CRABP2: variants seen among roughly 807,000 people sequenced by gnomAD.
The protein encoded by CRABP2 is cellular retinoic acid binding protein 2, also known as cellular retinoic acid-binding protein 2.
A neutral mutation model predicts 17.9 loss-of-function variants in CRABP2; 20 were observed. The ratio of observed to expected loss-of-function variants is 1.12; its 90% CI spans 0.79 to 1.63. CRABP2 has a LOEUF of 1.63. CRABP2 is among the 40% of genes most tolerant of loss of function. The pLI is 0.00. For synonymous variants in CRABP2, 76 were observed against 66.4 expected, an observed-to-expected ratio of 1.14 and a Z score of -0.70; for missense variants, 151 against 168.6, an observed-to-expected ratio of 0.90 and a Z score of 0.58.
At chr1:156,700,778 CAG>C in intron 2 of CRABP2, 94 bp downstream of exon 2, 1 of 1,532,556 alleles carries the variant, frequency 6.5e-7, no homozygotes, top group Admixed American at 1.7e-5. Flanking sequence ...CCTACTGGGA[CAG>C]AGAGAAGCTA....
At chr1:156,704,384 C>T (rs1648132949) in intron 1 of CRABP2, among the ~76,000 whole-genome samples, 1 of 152,172 alleles carries the variant, frequency 6.6e-6, no homozygotes, top group Admixed American at 6.5e-5. Context: ...TACCGTCTCT[C>T]TGTTGAGTGC....
Position 156,699,864 on chromosome 1 carries a change from A to C in CRABP2, c.*162T>G. The C allele has an allele frequency of 1.5e-6, 1 of 670,594 alleles. No homozygotes were observed. The highest frequency in any genetic ancestry group is 2.5e-6 in the Non-Finnish European group (1 of 392,348). The allele number at this position is 670,594 out of a possible 1,614,324, so 41.5% of individuals were successfully genotyped here. ...GTGTAGGGGAGGAGAGAAGAGGTCA[A>C]AGAAAGCAAGACCCTGCAAGAGGCA... On this transcript the variant is annotated 3_prime_UTR_variant, in exon 4 of 4. Coordinates refer to ENST00000368222, the MANE Select transcript of CRABP2 (RefSeq NM_001878.4).
At chr1:156,702,538 C>T (rs567952485) in intron 1 of CRABP2, among the ~76,000 whole-genome samples, 81 of 152,098 alleles carry the variant, frequency 5.3e-4, no homozygotes, top group Non-Finnish European at 9.1e-4. Context: ...TTTAGGAGGC[C>T]GAGGTGGGTG....
At chr1:156,703,993 GACAA>G (rs1183090746) in intron 1 of CRABP2, among the ~76,000 whole-genome samples, 1 of 152,142 alleles carries the variant, frequency 6.6e-6, no homozygotes, top group Non-Finnish European at 1.5e-5. Flanking sequence ...CTGCAGGGAG[GACAA>G]ACAGACTGAA....
chr1:156,700,069 G>C lies in CRABP2; in HGVS notation c.374C>G (p.Thr125Arg). Residue 125 changes from threonine to arginine, a missense_variant, in exon 4 of 4, where the codon ACG (threonine) becomes AGG (arginine). Transcript: ENST00000368222. ...CCTGGTGCACACAACGTCATCCGCCGTCATGGTCTGGAAGGACAGAAGTAG... is the reference window on the plus strand; with the variant it reads ...CCTGGTGCACACAACGTCATCCGCCCTCATGGTCTGGAAGGACAGAAGTAG... ...TNDGELILTMTADDVVCTRVY... is the reference protein window; with the variant it reads ...TNDGELILTMRADDVVCTRVY... 1 of 1,613,564 alleles carries C rather than the reference G, an allele frequency of 6.2e-7. No homozygotes were observed. The highest frequency in any genetic ancestry group is 1.1e-5 in the South Asian group (1 of 90,946).
intron 1 of CRABP2, among the ~76,000 whole-genome samples, chr1:156,703,812 G>T (rs1208958906): frequency 6.6e-6 from 1 of 152,242 alleles, no homozygotes; most frequent in Non-Finnish European, 1.5e-5. Flanking sequence ...AGTTCCTGCA[G>T]AGGCAAGGCT....
At position 156,705,312 on chromosome 1, in the gene CRABP2, A is replaced by AT; in HGVS notation, c.70+64dup. ...TGATTGTGGTCCCGCTGTCTTTCTCATCCCCAACTTCGAGGACTCCAGAGC... is the reference window on the plus strand; with the variant it reads ...TGATTGTGGTCCCGCTGTCTTTCTCATTCCCCAACTTCGAGGACTCCAGAGC... On this transcript the variant is annotated intron_variant, in intron 1 of 3. Coordinates refer to ENST00000368222, the MANE Select transcript of CRABP2 (RefSeq NM_001878.4). This position sits in a 1 kb window ranked among gnomAD's most constrained non-coding sequence, Gnocchi z 5.2. 1.3e-6 allele frequency: 2 copies of AT among 1,554,780 alleles called. No homozygotes were observed. The highest frequency in any genetic ancestry group is 2.2e-5 in the South Asian group (2 of 89,852).
At position 156,705,297 on chromosome 1, in the gene CRABP2, C is replaced by A; in HGVS notation, c.70+80G>T. On this transcript the variant is annotated intron_variant, in intron 1 of 3. Coordinates refer to ENST00000368222, the MANE Select transcript of CRABP2 (RefSeq NM_001878.4). The surrounding 1 kb of genome is among the most constrained non-coding windows in gnomAD (Gnocchi z 5.2). The stretch of plus-strand genomic sequence containing the variant: ...CAGTGTCTCACGCCCTGATTGTGGT[C>A]CCGCTGTCTTTCTCATCCCCAACTT... The A allele has an allele frequency of 6.8e-7, 1 of 1,478,364 alleles. No individual in the cohort carries two copies. Among genetic ancestry groups the A allele is most frequent in the East Asian group, 2.3e-5 (1 of 44,168 alleles). 91.6% of individuals were successfully genotyped at this position (1,478,364 alleles called of 1,614,324 possible). A position where few individuals can be genotyped will look rare whatever the true frequency, so the allele number is the denominator to read the frequency against.
Position 156,705,279 on chromosome 1 carries a change from TCA to T in CRABP2, c.70+96_70+97del, listed in dbSNP as rs1160248709. On this transcript the variant is annotated intron_variant, in intron 1 of 3. Transcript: ENST00000368222. The surrounding 1 kb of genome is among the most constrained non-coding windows in gnomAD (Gnocchi z 5.2). ...TTCGGGGATGCAGGCACCCAGTGTC[TCA>T]CGCCCTGATTGTGGTCCCGCTGTCT... 4 of 1,360,492 alleles carry T rather than the reference TCA, an allele frequency of 2.9e-6. No homozygotes were observed. The African/African-American group carries it at 5.7e-5, about 19-fold the overall frequency. The allele number at this position is 1,360,492 out of a possible 1,614,324, so 84.3% of individuals were successfully genotyped here. A position where few individuals can be genotyped will look rare whatever the true frequency, so the allele number is the denominator to read the frequency against.
In CRABP2 at chr1:156,700,535, G is replaced by T. The variant is rs750969645; in HGVS notation, c.366+7C>A. 1.2e-6 allele frequency: 2 copies of T among 1,608,498 alleles called. No individual in the cohort carries two copies. The highest frequency in any genetic ancestry group is 4.5e-5 in the East Asian group (2 of 44,846). ...TTTGCTATTAGTGGGGAGGAGGCAG[G>T]ACTTACCAGGATCAGTTCCCCATCG... On this transcript the variant is annotated splice_region_variant and intron_variant, in intron 3 of 3. Transcript: ENST00000368222.
chr1:156,702,003 C>T (rs577077347), intron 1 of CRABP2, among the ~76,000 whole-genome samples: 138 of 150,278 alleles, frequency 9.2e-4, no homozygotes, highest in Non-Finnish European at 1.5e-4. Context: ...CAGGGCTGGA[C>T]GCAGTTGCTC....
rs144694245 is a variant in CRABP2 at position 156,704,420 on chromosome 1, C to T, written c.70+957G>A. On this transcript the variant is annotated intron_variant, in intron 1 of 3. Coordinates refer to ENST00000368222, the MANE Select transcript of CRABP2 (RefSeq NM_001878.4). The stretch of plus-strand genomic sequence containing the variant: ...AGGAATTGAAGGCAGCAGGCCTGCC[C>T]TTACGCTCCCAGTGGCTGGGGTCCT... 2.8e-3 allele frequency among the ~76,000 whole-genome samples: 429 copies of T among 152,286 alleles called. 2 individuals are homozygous for T. Among genetic ancestry groups the T allele is most frequent in the African/African-American group, 9.8e-3 (406 of 41,556 alleles).
At chr1:156,701,191 T>G (rs7519545) in intron 1 of CRABP2, 139 bp from the exon 2 acceptor site, 1 of 845,788 alleles carries the variant, frequency 1.2e-6, no homozygotes, top group Non-Finnish European at 1.8e-6. Flanking sequence ...GCCTGGTGCC[T>G]GGGTGTCTAA....
rs949096087 is a variant in CRABP2, at chr1:156,701,190, CT to C, written c.71-139del. 4 of 916,434 alleles carry C rather than the reference CT, an allele frequency of 4.4e-6. No homozygotes were observed. The African/African-American group carries it at 6.7e-5, about 15-fold the overall frequency. 56.8% of individuals were successfully genotyped at this position (916,434 alleles called of 1,614,324 possible). On this transcript the variant is annotated intron_variant, in intron 1 of 3. Transcript: ENST00000368222. The stretch of plus-strand genomic sequence containing the variant: ...GTTGGGGGGTGCATCTGCCTGGTGC[CT>C]GGGTGTCTAAGAAAGTGCCTTGAAG...
At position 156,700,607 on chromosome 1, in the gene CRABP2, G is replaced by A; in HGVS notation, c.301C>T (p.Leu101=). 6.2e-7 allele frequency: 1 copy of A among 1,614,166 alleles called. No individual in the cohort carries two copies. The highest frequency in any genetic ancestry group is 8.5e-7 in the Non-Finnish European group (1 of 1,180,024). ...GAGGTCTTGGGGCCCTCTCCCTTCA[G>A]GAGCTTCTGCTCACAGACCATTTTA... ...ENKMVCEQKL[L]KGEGPKTSWT... The change falls in exon 3 of 4, where the codon CTG becomes TTG. Residue 101 remains leucine, a synonymous_variant. Transcript: ENST00000368222.
At chr1:156,700,108 A>T (rs1278741931) in intron 3 of CRABP2, 32 bp from the exon 4 acceptor site, 26 of 1,609,098 alleles carry the variant, frequency 1.6e-5, no homozygotes, top group Non-Finnish European at 2.0e-5. Flanking sequence ...TTAGCCTGAG[A>T]GGCCCCTGGG....
intron 1 of CRABP2, among the ~76,000 whole-genome samples, chr1:156,704,356 C>T (rs1571482351): frequency 6.6e-6 from 1 of 152,136 alleles, no homozygotes; most frequent in Admixed American, 6.5e-5. Flanking sequence ...CCTCCCCTCT[C>T]GCCCAACCCA....
upstream of CRABP2, chr1:156,705,739 C>A: frequency 2.5e-6 from 1 of 399,950 alleles, no homozygotes; most frequent in Non-Finnish European, 4.6e-6. The surrounding 1 kb of genome is among the most constrained non-coding windows in gnomAD (Gnocchi z 5.2). Flanking sequence ...TGGGTCCAGG[C>A]TTCTCTGGGG....
At chr1:156,700,691 C>T (rs1211976567) in intron 2 of CRABP2, 33 bp from the exon 3 acceptor site, 2 of 1,594,266 alleles carry the variant, frequency 1.3e-6, no homozygotes. Flanking sequence ...TGAGCTGGGC[C>T]CATAGCAGGG....
Sources: allele counts gnomAD v4.1 joint callset (sites outside exome capture counted in the v4.1 genomes callset), GRCh38; gene constraint gnomAD v4.1.1; non-coding constraint Gnocchi (gnomAD v3.1); transcripts MANE v1.5; gene names NCBI Gene and HGNC (gene_info 2026-07-23, HGNC 2026-07-21).